The following PDS5B variants were observed in gnomAD, a reference collection of about 807,000 sequenced individuals.
The protein encoded by PDS5B is sister chromatid cohesion protein PDS5 homolog B.
A neutral mutation model predicts 184.1 loss-of-function variants in PDS5B; 51 were observed. The observed-to-expected ratio is 0.28, with a 90% CI of 0.22 to 0.35. PDS5B has a LOEUF of 0.35. Ranked by LOEUF, PDS5B falls within the 10% of genes least tolerant of loss-of-function variation. The pLI is 1.00. For missense variants in PDS5B, 1,180 were observed against 1,723.3 expected (o/e 0.68, Z 5.58); for synonymous variants, 566 against 569.2 (o/e 0.99, Z 0.08).
intron 1 of PDS5B, among the ~76,000 whole-genome samples, chr13:32,636,586 T>G (rs932811736): frequency 6.6e-6 from 1 of 152,226 alleles, no homozygotes; most frequent in Non-Finnish European, 1.5e-5. Context: ...CATAGTTATT[T>G]AACCTCTTTG....
chr13:32,765,595 T>TTTTTG lies in PDS5B; in HGVS notation c.3624+1021_3624+1025dup, dbSNP rs202036157. Reference sequence around the variant, plus strand: ...ATTTCCATTTAGAAAGAATTATTCTTTTTTGTTTTGTTTTGTTTTGTTTTT... The same window carrying TTTTTG: ...ATTTCCATTTAGAAAGAATTATTCTTTTTTGTTTTGTTTTGTTTTGTTTTGTTTTT... On this transcript the variant is annotated intron_variant, in intron 31 of 34. Transcript: ENST00000315596. Among the ~76,000 whole-genome samples the TTTTTG allele has an allele frequency of 8.5e-5, 13 of 152,276 alleles. No homozygotes were observed. The East Asian group carries it at 2.3e-3, about 27-fold the overall frequency.
intron 20 of PDS5B, among the ~76,000 whole-genome samples, chr13:32,733,219 T>A (rs947835618): frequency 6.6e-6 from 1 of 152,124 alleles, no homozygotes; most frequent in Admixed American, 6.6e-5. Context: ...TTCAGAGTAG[T>A]TCTTTCATTT....
chr13:32,665,800 A>G (rs1037622481), intron 6 of PDS5B, among the ~76,000 whole-genome samples: 14 of 152,110 alleles, frequency 9.2e-5, no homozygotes, highest in African/African-American at 2.7e-4. Flanking sequence ...ATTGTGGTAT[A>G]TGTATACAAT....
rs79374041 is a variant in PDS5B, at chr13:32,748,898, T to G, written c.2736+2798T>G. Among the ~76,000 whole-genome samples, 396 of 152,328 alleles carry G rather than the reference T, an allele frequency of 2.6e-3. 2 individuals are homozygous for G. The highest frequency in any genetic ancestry group is 8.9e-3 in the African/African-American group (372 of 41,588). ...ATTCTGTCCTTTGATATCCATTATATAATTTTTATTCTTACTTTCTTGACC... is the reference window on the plus strand; with the variant it reads ...ATTCTGTCCTTTGATATCCATTATAGAATTTTTATTCTTACTTTCTTGACC... On this transcript the variant is annotated intron_variant, in intron 24 of 34. Coordinates refer to ENST00000315596, the MANE Select transcript of PDS5B (RefSeq NM_015032.4).
chr13:32,744,694 A>G (rs904674078), intron 23 of PDS5B, among the ~76,000 whole-genome samples: 8 of 152,294 alleles, frequency 5.3e-5, no homozygotes, highest in Admixed American at 1.3e-4. Context: ...ACTAAGAACT[A>G]TGATTTACTG....
intron 1 of PDS5B, among the ~76,000 whole-genome samples, chr13:32,634,421 C>T (rs573139811): frequency 1.3e-5 from 2 of 152,082 alleles, no homozygotes; most frequent in Admixed American, 1.3e-4. Flanking sequence ...TTTGTTTATC[C>T]ATTCACCAGT....
intron 1 of PDS5B, among the ~76,000 whole-genome samples, chr13:32,593,911 A>G (rs2057815627): frequency 6.6e-6 from 1 of 152,172 alleles, no homozygotes; most frequent in Non-Finnish European, 1.5e-5. Context: ...AAAAAAATCC[A>G]TGTATAAATG....
At chr13:32,753,280 G>A (rs531173186) in intron 24 of PDS5B, 52 bp from the exon 25 acceptor site, 1 of 1,444,024 alleles carries the variant, frequency 6.9e-7, no homozygotes, top group Non-Finnish European at 9.7e-7. Context: ...ATCTGAAGTT[G>A]TTACTCTTTG....
intron 19 of PDS5B, among the ~76,000 whole-genome samples, chr13:32,722,182 C>T (rs1218491777): frequency 6.6e-6 from 1 of 152,236 alleles, no homozygotes; most frequent in African/African-American, 2.4e-5. Flanking sequence ...CGGCGAAACC[C>T]CGTCTCCACC....
At chr13:32,698,261 G>T (rs1046569736) in intron 15 of PDS5B, among the ~76,000 whole-genome samples, 1 of 151,484 alleles carries the variant, frequency 6.6e-6, no homozygotes, top group African/African-American at 2.4e-5. Context: ...GAAATAATAG[G>T]CCTTATTGTA....
intron 1 of PDS5B, among the ~76,000 whole-genome samples, chr13:32,591,248 C>A (rs1353355313): frequency 6.6e-6 from 1 of 152,056 alleles, no homozygotes; most frequent in East Asian, 1.9e-4. Flanking sequence ...CCTTCCTCAG[C>A]CTCCTGAGTA....
intron 19 of PDS5B, among the ~76,000 whole-genome samples, chr13:32,715,382 A>C (rs1406518249): frequency 2.0e-5 from 3 of 152,164 alleles, no homozygotes; most frequent in Non-Finnish European, 4.4e-5. Context: ...TCTGGAACTC[A>C]GTTTTGCTTA....
intron 1 of PDS5B, among the ~76,000 whole-genome samples, chr13:32,609,680 G>A (rs1011395600): frequency 4.6e-5 from 7 of 152,182 alleles, no homozygotes; most frequent in Non-Finnish European, 1.0e-4. Flanking sequence ...TAGCCCCCTT[G>A]TGTAGTAGCA....
At chr13:32,720,789 G>A (rs553076921) in intron 19 of PDS5B, among the ~76,000 whole-genome samples, 4 of 151,752 alleles carry the variant, frequency 2.6e-5, no homozygotes, top group African/African-American at 4.8e-5. Flanking sequence ...AGGACCCTGC[G>A]GCCTTCCGCA....
intron 1 of PDS5B, among the ~76,000 whole-genome samples, chr13:32,610,021 A>G (rs1261847333): frequency 5.3e-5 from 8 of 152,234 alleles, no homozygotes; most frequent in Admixed American, 3.9e-4. Context: ...AATGTCCTGC[A>G]GTAGGAAAAG....
rs950310341 is a variant in PDS5B at position 32,586,481 on chromosome 13, G to C, written c.-132G>C. 6.8e-6 allele frequency: 1 copy of C among 147,246 alleles called. No homozygotes were observed. The highest frequency in any genetic ancestry group is 2.6e-5 in the African/African-American group (1 of 38,788). The allele number at this position is 147,246 out of a possible 1,614,324, so 9.1% of individuals were successfully genotyped here. A position where few individuals can be genotyped will look rare whatever the true frequency, so the allele number is the denominator to read the frequency against. ...TTTTGAAGCGGAGAGGAGGAGGAAC[G>C]GCAGGGCTGGCTGCGGAAGGGGAGG... On this transcript the variant is annotated 5_prime_UTR_variant, in exon 1 of 35. Transcript: ENST00000315596.
intron 1 of PDS5B, among the ~76,000 whole-genome samples, chr13:32,592,791 G>T (rs2057797540): frequency 6.6e-6 from 1 of 152,068 alleles, no homozygotes; most frequent in Admixed American, 6.6e-5. Context: ...CCTTTCTAAG[G>T]AATGCAGAAG....
intron 11 of PDS5B, among the ~76,000 whole-genome samples, chr13:32,686,844 T>C (rs1042915792): frequency 1.3e-5 from 2 of 152,146 alleles, no homozygotes; most frequent in Admixed American, 1.3e-4. Flanking sequence ...TCACAGTATG[T>C]AGAGTATGAT....
At chr13:32,631,380 G>A (rs780974272) in intron 1 of PDS5B, among the ~76,000 whole-genome samples, 1 of 152,200 alleles carries the variant, frequency 6.6e-6, no homozygotes, top group African/African-American at 2.4e-5. Flanking sequence ...GGCGTGAGCC[G>A]TGGCGCTCGG....
Sources: allele counts gnomAD v4.1 joint callset (sites outside exome capture counted in the v4.1 genomes callset), GRCh38; gene constraint gnomAD v4.1.1; transcripts MANE v1.5; gene names NCBI Gene and HGNC (gene_info 2026-07-23, HGNC 2026-07-21).